Variants in TMEM67 observed in about 807,000 individuals in gnomAD.
TMEM67 encodes the protein meckelin.
Under a neutral mutation model 136.6 loss-of-function variants are expected in TMEM67, and 124 were observed. The ratio of observed to expected loss-of-function variants is 0.91; its 90% confidence interval spans 0.78 to 1.05. The LOEUF is 1.05. Ranked by LOEUF, TMEM67 falls within the 50% of genes least tolerant of loss-of-function variation. TMEM67 has a pLI of 0.00. For synonymous variants in TMEM67, 364 were observed against 390.5 expected (o/e 0.93, Z 0.80); for missense variants, 1,107 against 1,178.4 (o/e 0.94, Z 0.89).
intron 7 of TMEM67, among the ~76,000 whole-genome samples, chr8:93,777,162 A>G (rs1813584688): frequency 6.6e-6 from 1 of 152,104 alleles, no homozygotes; most frequent in Non-Finnish European, 1.5e-5. Flanking sequence ...GTATTCTCTG[A>G]TAGTAGTTTG....
the TMEM67 span, among the ~76,000 whole-genome samples, chr8:93,826,033 T>C: frequency 6.6e-6 from 1 of 152,138 alleles, no homozygotes; most frequent in Non-Finnish European, 1.5e-5. Flanking sequence ...AATAGACTCA[T>C]TTCTATAGTT....
intron 3 of TMEM67, 179 bp downstream of exon 3, chr8:93,758,755 C>T: frequency 1.7e-6 from 1 of 581,230 alleles, no homozygotes; most frequent in Non-Finnish European, 3.0e-6. Flanking sequence ...AACACCACTG[C>T]AGCTGGCTAA....
chr8:93,828,326 A>G, the TMEM67 span, among the ~76,000 whole-genome samples: 1 of 152,188 alleles, frequency 6.6e-6, no homozygotes, highest in Non-Finnish European at 1.5e-5. Flanking sequence ...CACCACCATC[A>G]TCATCATCAC....
intron 26 of TMEM67, among the ~76,000 whole-genome samples, chr8:93,810,244 C>T (rs1808649292): frequency 1.4e-5 from 2 of 147,068 alleles, no homozygotes; most frequent in African/African-American, 4.9e-5. Context: ...GCTGGGATTA[C>T]AGGCATGAGC....
intron 27 of TMEM67, among the ~76,000 whole-genome samples, chr8:93,815,924 A>G (rs185379658): frequency 2.3e-4 from 35 of 152,342 alleles, no homozygotes; most frequent in East Asian, 3.8e-4. Context: ...AGAATTGGCA[A>G]ATCTGTTCTT....
downstream of TMEM67, among the ~76,000 whole-genome samples, chr8:93,821,283 GT>G (rs1384736269): frequency 6.6e-6 from 1 of 152,038 alleles, no homozygotes; most frequent in African/African-American, 2.4e-5. Context: ...AGGTCTTTTA[GT>G]TTTTTATTTT....
the TMEM67 span, among the ~76,000 whole-genome samples, chr8:93,827,561 C>T: frequency 6.7e-6 from 1 of 149,962 alleles, no homozygotes; most frequent in South Asian, 2.2e-4. Context: ...CCATGCCTGC[C>T]TAATTTTTGT....
chr8:93,772,531 C>A (rs2130621928), intron 6 of TMEM67, 58 bp from the exon 7 acceptor site: 2 of 1,221,464 alleles, frequency 1.6e-6, no homozygotes, highest in Non-Finnish European at 2.4e-6. Context: ...TCCCATTCAA[C>A]AATATGCATA....
At chr8:93,829,382 CTGTGTGTG>C in the TMEM67 span, among the ~76,000 whole-genome samples, 15 of 137,502 alleles carry the variant, frequency 1.1e-4, no homozygotes, top group African/African-American at 4.1e-4. Flanking sequence ...CTCTCTCTCT[CTGTGTGTG>C]TGTGTGTGTG....
At chr8:93,802,213 C>T (rs1009438994) in intron 21 of TMEM67, among the ~76,000 whole-genome samples, 2 of 152,162 alleles carry the variant, frequency 1.3e-5, no homozygotes, top group Non-Finnish European at 2.9e-5. Flanking sequence ...CAAGGGACTT[C>T]CATCTCCACA....
At chr8:93,814,412 CTTTT>C (rs756690084) in intron 26 of TMEM67, among the ~76,000 whole-genome samples, 1 of 128,688 alleles carries the variant, frequency 7.8e-6, no homozygotes, top group Non-Finnish European at 1.7e-5. Flanking sequence ...TTTATGTATA[CTTTT>C]TTTTTTTTTT....
chr8:93,805,078 T>C (rs549092942), intron 23 of TMEM67, among the ~76,000 whole-genome samples, 200 bp downstream of exon 23: 2 of 152,196 alleles, frequency 1.3e-5, no homozygotes, highest in East Asian at 3.9e-4. Flanking sequence ...GTTCAAGTGA[T>C]CCTCCCGTCT....
intron 20 of TMEM67, among the ~76,000 whole-genome samples, chr8:93,798,134 C>T (rs1452895299): frequency 6.6e-6 from 1 of 152,212 alleles, no homozygotes; most frequent in Non-Finnish European, 1.5e-5. Context: ...CTACACCTAA[C>T]CCCAGGCAAC....
chr8:93,777,580 A>G (rs1266097972), intron 7 of TMEM67, among the ~76,000 whole-genome samples: 1 of 152,184 alleles, frequency 6.6e-6, no homozygotes, highest in Non-Finnish European at 1.5e-5. Context: ...TTCAAAGAAC[A>G]TCTTTATTTC....
chr8:93,811,804 A>C (rs1371095827), intron 26 of TMEM67, among the ~76,000 whole-genome samples: 1 of 152,124 alleles, frequency 6.6e-6, no homozygotes, highest in Non-Finnish European at 1.5e-5. Context: ...GCACCACTGC[A>C]CTTCAGCCTG....
Position 93,815,292 on chromosome 8 carries a change from A to T in TMEM67, c.2765-13A>T. 3 of 1,493,544 alleles carry T rather than the reference A, an allele frequency of 2.0e-6. No homozygotes were observed. Among genetic ancestry groups the T allele is most frequent in the Non-Finnish European group, 1.8e-6 (2 of 1,110,946 alleles). The allele number at this position is 1,493,544 out of a possible 1,614,324, so 92.5% of individuals were successfully genotyped here. On this transcript the variant is annotated splice_polypyrimidine_tract_variant and intron_variant, in intron 26 of 27. Coordinates refer to ENST00000453321, the MANE Select transcript of TMEM67 (RefSeq NM_153704.6). Reference sequence around the variant, plus strand: ...TAAATTTCTAATTTATATTTTCTAAATTTTTTTAATAGATGAAGGTTATTC... The same window carrying T: ...TAAATTTCTAATTTATATTTTCTAATTTTTTTTAATAGATGAAGGTTATTC...
the TMEM67 span, among the ~76,000 whole-genome samples, chr8:93,827,764 C>CTT: frequency 4.2e-5 from 6 of 141,922 alleles, no homozygotes; most frequent in Non-Finnish European, 4.7e-5. Context: ...GGCTTCCCTT[C>CTT]TTTTTTTTTT....
At position 93,799,716 on chromosome 8, in the gene TMEM67, T is replaced by C. The variant is rs774835190; in HGVS notation, c.2199T>C (p.Tyr733=). The C allele has an allele frequency of 6.8e-6, 11 of 1,613,788 alleles. No homozygotes were observed. Among genetic ancestry groups the C allele is most frequent in the Admixed American group, 6.7e-5 (4 of 59,998 alleles). Residue 733 remains tyrosine (Y), a synonymous_variant, in exon 21 of 28, where the codon TAT becomes TAC. Coordinates refer to ENST00000453321, the MANE Select transcript of TMEM67 (RefSeq NM_153704.6). ...YIAPYSCILR[Y]AVSAALWLAI... is the part of the protein sequence containing the mutation. ...CTCCTTATAGCTGCATTTTGAGATATGCAGTGTCTGCTGCTCTTTGGCTAG... is the reference window on the plus strand; with the variant it reads ...CTCCTTATAGCTGCATTTTGAGATACGCAGTGTCTGCTGCTCTTTGGCTAG...
chr8:93,822,168 A>G (rs1809050806), downstream of TMEM67, among the ~76,000 whole-genome samples: 1 of 152,250 alleles, frequency 6.6e-6, no homozygotes, highest in Admixed American at 6.5e-5. Context: ...GCAACACAAT[A>G]GAAAAATGAG....
Sources: gnomAD v4.1 joint callset for allele counts (sites outside exome capture counted in the v4.1 genomes callset) on GRCh38, gnomAD v4.1.1 for gene constraint, MANE v1.5 for transcripts, NCBI Gene and HGNC (gene_info 2026-07-23, HGNC 2026-07-21) for gene names.